GRAP2: variants seen among roughly 807,000 people sequenced by gnomAD.
GRAP2 encodes the protein GRB2 related adaptor protein 2, also known as GRB2-related adapter protein 2.
Under a neutral mutation model 43.5 loss-of-function variants are expected in GRAP2, and 31 were observed. The observed-to-expected ratio is 0.71, with a 90% CI of 0.54 to 0.96. The LOEUF is 0.96. Among genes scored for constraint, GRAP2 ranks in the 40% least tolerant of loss-of-function variants. The pLI is 0.00. For missense variants in GRAP2, 371 were observed against 424.4 expected (o/e 0.87, Z 1.11); for synonymous variants, 156 against 164.8 (o/e 0.95, Z 0.41).
the GRAP2 span, among the ~76,000 whole-genome samples, chr22:39,894,959 A>G: frequency 6.6e-6 from 1 of 152,232 alleles, no homozygotes. Flanking sequence ...TGGATAGACA[A>G]AGTAGAGGAG....
intron 3 of GRAP2, among the ~76,000 whole-genome samples, chr22:39,956,408 C>A (rs1337353209): frequency 6.6e-6 from 1 of 152,116 alleles, no homozygotes; most frequent in African/African-American, 2.4e-5. Context: ...TCTGCCGCCT[C>A]AGCCTCCCAA....
chr22:39,901,237 T>C lies in GRAP2; in HGVS notation c.-108T>C, dbSNP rs1177652537. 1.6e-6 allele frequency: 2 copies of C among 1,238,568 alleles called. No individual in the cohort carries two copies. The highest frequency in any genetic ancestry group is 4.6e-5 in the Admixed American group (2 of 43,510). The allele number at this position is 1,238,568 out of a possible 1,614,324, so 76.7% of individuals were successfully genotyped here. On this transcript the variant is annotated 5_prime_UTR_variant, in exon 1 of 8. Transcript: ENST00000344138. Reference sequence around the variant, plus strand: ...TCCATACTCTGAAATGCAGTAACTCTGATGCTTGAATTTGTCTCCCTTCTT... The same window carrying C: ...TCCATACTCTGAAATGCAGTAACTCCGATGCTTGAATTTGTCTCCCTTCTT...
intron 2 of GRAP2, among the ~76,000 whole-genome samples, chr22:39,954,500 T>C (rs1268276479): frequency 6.6e-6 from 1 of 152,138 alleles, no homozygotes; most frequent in Non-Finnish European, 1.5e-5. Context: ...GTTCAAGCAA[T>C]TCTCCTGCCT....
Position 39,945,542 on chromosome 22 carries a change from A to G in GRAP2, c.-14-1551A>G, listed in dbSNP as rs188902263. On this transcript the variant is annotated intron_variant, in intron 1 of 7. Coordinates refer to ENST00000344138, the MANE Select transcript of GRAP2 (RefSeq NM_004810.4). ...CCAGTTGACTGGTCGCTGAAAGTCT[A>G]TTAGGTTGGAGAGTATTTATTTTCT... is the stretch of plus-strand genomic sequence containing the variant. Among the ~76,000 whole-genome samples, 4 of 152,270 alleles carry G rather than the reference A, an allele frequency of 2.6e-5. No homozygotes were observed. The East Asian group carries it at 7.7e-4, about 29-fold the overall frequency.
At chr22:39,954,382 T>C (rs1396358129) in intron 2 of GRAP2, among the ~76,000 whole-genome samples, 2 of 152,168 alleles carry the variant, frequency 1.3e-5, no homozygotes, top group African/African-American at 4.8e-5. Context: ...ATTGTTCTAG[T>C]CTATATCAAA....
intron 1 of GRAP2, among the ~76,000 whole-genome samples, chr22:39,901,867 C>T (rs972134533): frequency 1.1e-4 from 16 of 152,198 alleles, no homozygotes; most frequent in Non-Finnish European, 2.4e-4. Flanking sequence ...AGGGTATTGT[C>T]TCTCTTCGTA....
intron 1 of GRAP2, among the ~76,000 whole-genome samples, chr22:39,931,752 A>G (rs1055541161): frequency 6.6e-6 from 1 of 152,252 alleles, no homozygotes; most frequent in Non-Finnish European, 1.5e-5. Flanking sequence ...AAGAGAGTTT[A>G]GAAGATTTCT....
At chr22:39,909,485 T>A (rs968551820) in intron 1 of GRAP2, among the ~76,000 whole-genome samples, 3 of 152,238 alleles carry the variant, frequency 2.0e-5, no homozygotes, top group Non-Finnish European at 4.4e-5. Context: ...CAAGAAAGCA[T>A]GCTGTAATGC....
At chr22:39,948,165 A>T (rs2066944112) in intron 2 of GRAP2, 1 of 152,212 alleles carries the variant, frequency 6.6e-6, no homozygotes, top group Non-Finnish European at 1.5e-5. Flanking sequence ...TGAGGAGCAC[A>T]AAACACCACA....
chr22:39,918,608 A>G (rs2066623718), intron 1 of GRAP2, among the ~76,000 whole-genome samples: 1 of 152,236 alleles, frequency 6.6e-6, no homozygotes. Flanking sequence ...TGCCTCTACA[A>G]TATATTAATA....
intron 4 of GRAP2, 163 bp downstream of exon 4, chr22:39,960,337 T>C: frequency 3.1e-6 from 2 of 652,998 alleles, no homozygotes; most frequent in Non-Finnish European, 5.5e-6. Flanking sequence ...TCCCAGTGCC[T>C]TCCCAAAACA....
At chr22:39,896,609 G>A (rs778297356), upstream of GRAP2, among the ~76,000 whole-genome samples, 2 of 152,154 alleles carry the variant, frequency 1.3e-5, no homozygotes, top group Non-Finnish European at 2.9e-5. Flanking sequence ...CATATAGAAG[G>A]TGATTGAGGA....
chr22:39,920,232 C>A (rs568496634), intron 1 of GRAP2, among the ~76,000 whole-genome samples: 22 of 152,326 alleles, frequency 1.4e-4, no homozygotes, highest in African/African-American at 5.1e-4. Flanking sequence ...CTAGGGGACA[C>A]ACACTGTCCA....
chr22:39,921,506 C>G (rs935377522), intron 1 of GRAP2, among the ~76,000 whole-genome samples: 1 of 152,150 alleles, frequency 6.6e-6, no homozygotes, highest in African/African-American at 2.4e-5. Context: ...ATCTTTGAAG[C>G]GCTTTCATCT....
rs143953599 is a variant in GRAP2 at position 39,956,450 on chromosome 22, C to A, written c.170+540C>A. ...GGGATTACAGGCGTGAACCACCATG[C>A]CTGGCCTATTTTAAGTTTTGGGTTT... On this transcript the variant is annotated intron_variant, in intron 3 of 7. Coordinates refer to ENST00000344138, the MANE Select transcript of GRAP2 (RefSeq NM_004810.4). Among the ~76,000 whole-genome samples, 421 of 151,574 alleles carry A rather than the reference C, an allele frequency of 2.8e-3. 2 individuals are homozygous for A. Among genetic ancestry groups the A allele is most frequent in the African/African-American group, 9.6e-3 (395 of 41,350 alleles).
At chr22:39,933,343 T>C (rs953841108) in intron 1 of GRAP2, among the ~76,000 whole-genome samples, 1 of 152,160 alleles carries the variant, frequency 6.6e-6, no homozygotes, top group Middle Eastern at 3.2e-3. Context: ...AGGATGTCGA[T>C]GGAGTGCTTA....
chr22:39,943,439 A>G (rs917417100), intron 1 of GRAP2, among the ~76,000 whole-genome samples: 1 of 152,152 alleles, frequency 6.6e-6, no homozygotes, highest in Admixed American at 6.5e-5. Flanking sequence ...GCTAATGGCT[A>G]TTGCGTGACA....
intron 5 of GRAP2, among the ~76,000 whole-genome samples, chr22:39,967,641 CAA>C (rs1366740321): frequency 6.6e-6 from 1 of 152,152 alleles, no homozygotes; most frequent in Non-Finnish European, 1.5e-5. Flanking sequence ...CAAAATCATG[CAA>C]AGTCAACAGT....
rs924504567 is a variant in GRAP2 at position 39,946,814 on chromosome 22, C to T, written c.-14-279C>T. 1.1e-5 allele frequency: 4 copies of T among 359,626 alleles called. No individual in the cohort carries two copies. In the Admixed American group the frequency reaches 1.6e-4, roughly 15 times the overall value. 22.3% of individuals were successfully genotyped at this position (359,626 alleles called of 1,614,324 possible). A position where few individuals can be genotyped will look rare whatever the true frequency, so the allele number is the denominator to read the frequency against. ...GATGCCCCCAAAAGTGGTGTCAGGC[C>T]AGGATGATGAAAGGAGAAGGGAAAG... On this transcript the variant is annotated intron_variant, in intron 1 of 7. Coordinates refer to ENST00000344138, the MANE Select transcript of GRAP2 (RefSeq NM_004810.4).
Sources: gnomAD v4.1 joint callset for allele counts (sites outside exome capture counted in the v4.1 genomes callset) on GRCh38, gnomAD v4.1.1 for gene constraint, MANE v1.5 for transcripts, NCBI Gene and HGNC (gene_info 2026-07-23, HGNC 2026-07-21) for gene names.